Variants in SRSF12 observed in about 807,000 individuals in gnomAD.
SRSF12 encodes the protein serine and arginine rich splicing factor 12.
In SRSF12, 21 loss-of-function variants were observed where a neutral mutation model predicts 34.1. The ratio of observed to expected loss-of-function variants is 0.62; its 90% CI spans 0.44 to 0.89. The LOEUF (loss-of-function observed/expected upper bound fraction) is 0.89. Ranked by LOEUF, SRSF12 falls within the 40% of genes least tolerant of loss-of-function variation. The probability of loss-of-function intolerance (pLI) is 0.00; values close to 1 mark genes in which losing one functional copy is unlikely to be tolerated. For synonymous variants in SRSF12, 111 were observed against 110.8 expected, an observed-to-expected ratio of 1.00 and a Z score of -0.01; for missense variants, 278 against 327.8, an observed-to-expected ratio of 0.85 and a Z score of 1.17.
rs1769394631 is a variant in SRSF12, at chr6:89,117,950, A to T, written c.-63T>A. The stretch of plus-strand genomic sequence containing the variant: ...CGCTGGACTCGCTCCGTCTCCCGCT[A>T]CCGCTGCTACCACCACAGGAGCTCC... On this transcript the variant is annotated 5_prime_UTR_variant, in exon 1 of 5. Coordinates refer to ENST00000452027, the MANE Select transcript of SRSF12 (RefSeq NM_080743.5). 6.7e-7 allele frequency: 1 copy of T among 1,490,192 alleles called. No homozygotes were observed. Among genetic ancestry groups the T allele is most frequent in the Non-Finnish European group, 9.0e-7 (1 of 1,111,402 alleles). The allele number at this position is 1,490,192 out of a possible 1,614,324, so 92.3% of individuals were successfully genotyped here. A position where few individuals can be genotyped will look rare whatever the true frequency, so the allele number is the denominator to read the frequency against.
intron 4 of SRSF12, among the ~76,000 whole-genome samples, chr6:89,100,373 A>C (rs1407407695): frequency 6.6e-6 from 1 of 152,248 alleles, no homozygotes; most frequent in African/African-American, 2.4e-5. Context: ...ATTCAAAGCC[A>C]AAACAAGCAG....
intron 1 of SRSF12, among the ~76,000 whole-genome samples, chr6:89,116,667 T>C (rs1372616614): frequency 3.0e-4 from 46 of 151,688 alleles, no homozygotes; most frequent in Non-Finnish European, 1.5e-5. Context: ...CCCATCTACT[T>C]TGGATGCTGA....
chr6:89,103,787 C>G (rs1249402896), intron 4 of SRSF12, among the ~76,000 whole-genome samples: 1 of 152,114 alleles, frequency 6.6e-6, no homozygotes, highest in Non-Finnish European at 1.5e-5. Flanking sequence ...TTGTGATTCA[C>G]TATTATTCTA....
At chr6:89,116,721 A>G (rs1390732343) in intron 1 of SRSF12, among the ~76,000 whole-genome samples, 3 of 151,828 alleles carry the variant, frequency 2.0e-5, no homozygotes, top group Non-Finnish European at 4.4e-5. Context: ...GTTGCAGCCA[A>G]CCAAGATCGG....
chr6:89,110,448 G>A (rs536428695), intron 1 of SRSF12, among the ~76,000 whole-genome samples: 2 of 152,182 alleles, frequency 1.3e-5, no homozygotes, highest in African/African-American at 2.4e-5. Context: ...CAGTCTGGTG[G>A]AGGGAGGCGA....
intron 1 of SRSF12, among the ~76,000 whole-genome samples, chr6:89,113,330 C>T (rs894520105): frequency 9.9e-5 from 15 of 152,122 alleles, no homozygotes; most frequent in South Asian, 2.1e-4. Flanking sequence ...AGTGCCACCA[C>T]GCCCAGCTAA....
Position 89,118,022 on chromosome 6 carries a change from C to T in SRSF12, c.-135G>A. On this transcript the variant is annotated 5_prime_UTR_variant, in exon 1 of 5. Coordinates refer to ENST00000452027, the MANE Select transcript of SRSF12 (RefSeq NM_080743.5). The stretch of plus-strand genomic sequence containing the variant: ...CACCCCTCGGCCTCAGCCCCGCCAG[C>T]GCGCAGCCGCAGAGGCCGGCGCAGA... 3.4e-6 allele frequency: 3 copies of T among 886,646 alleles called. No individual in the cohort carries two copies. The highest frequency in any genetic ancestry group is 4.8e-6 in the Non-Finnish European group (3 of 625,454). 54.9% of individuals were successfully genotyped at this position (886,646 alleles called of 1,614,324 possible).
rs562838359 is a variant in SRSF12 at position 89,108,759 on chromosome 6, C to T, written c.66-1501G>A. Among the ~76,000 whole-genome samples the T allele has an allele frequency of 1.8e-3, 270 of 152,170 alleles. 1 individual carries two copies. Among genetic ancestry groups the T allele is most frequent in the African/African-American group, 6.2e-3 (258 of 41,536 alleles). The stretch of plus-strand genomic sequence containing the variant: ...TGATGGTAGAACACTGATAAGAGTT[C>T]TATAAGCAACAGAAAATTGTGATTA... On this transcript the variant is annotated intron_variant, in intron 1 of 4. Transcript: ENST00000452027.
intron 1 of SRSF12, among the ~76,000 whole-genome samples, chr6:89,113,388 G>A (rs566063729): frequency 1.0e-3 from 156 of 152,206 alleles, no homozygotes; most frequent in African/African-American, 3.7e-3. Context: ...TGGCCAGGCT[G>A]GTCTCGAACT....
intron 1 of SRSF12, 128 bp downstream of exon 1, chr6:89,117,695 C>T: frequency 1.1e-6 from 1 of 930,892 alleles, no homozygotes; most frequent in Non-Finnish European, 1.5e-6. Flanking sequence ...CCAAGTGGCG[C>T]AGCCTGGGCC....
chr6:89,098,307 C>T lies in SRSF12; in HGVS notation c.*271G>A, dbSNP rs1433540410. The stretch of plus-strand genomic sequence containing the variant: ...TTTTAAAAATTAGTTCCAGTTTACT[C>T]ATTTCCCTTGAAAAGTACCCTTCTG... On this transcript the variant is annotated 3_prime_UTR_variant, in exon 5 of 5. Coordinates refer to ENST00000452027, the MANE Select transcript of SRSF12 (RefSeq NM_080743.5). 3 of 300,558 alleles carry T rather than the reference C, an allele frequency of 1.0e-5. No homozygotes were observed. The highest frequency in any genetic ancestry group is 1.8e-5 in the Non-Finnish European group (3 of 162,882). The allele number at this position is 300,558 out of a possible 1,614,324, so 18.6% of individuals were successfully genotyped here.
At chr6:89,100,579 A>T (rs1768496542) in intron 4 of SRSF12, among the ~76,000 whole-genome samples, 2 of 152,078 alleles carry the variant, frequency 1.3e-5, no homozygotes, top group African/African-American at 2.4e-5. Flanking sequence ...AAAGGCAAAG[A>T]ATCATTCCCA....
At chr6:89,102,317 T>C (rs528549434) in intron 4 of SRSF12, among the ~76,000 whole-genome samples, 1 of 152,258 alleles carries the variant, frequency 6.6e-6, no homozygotes, top group South Asian at 2.1e-4. Flanking sequence ...CTAATTTTTG[T>C]ATTTTTAGTA....
chr6:89,110,856 C>T (rs544929305), intron 1 of SRSF12, among the ~76,000 whole-genome samples: 140 of 152,202 alleles, frequency 9.2e-4, no homozygotes, highest in African/African-American at 3.1e-3. Flanking sequence ...TGGCTGATAC[C>T]TGCAATACCA....
intron 3 of SRSF12, 39 bp from the exon 4 acceptor site, chr6:89,105,299 AC>A: frequency 6.3e-7 from 1 of 1,583,336 alleles, no homozygotes; most frequent in Non-Finnish European, 8.6e-7. Context: ...ATAATTCGTT[AC>A]CTGAACACCA....
chr6:89,117,777 C>T (rs745422868), intron 1 of SRSF12, 46 bp downstream of exon 1: 7 of 1,515,714 alleles, frequency 4.6e-6, no homozygotes, highest in African/African-American at 1.4e-5. Flanking sequence ...GCGGCTGTTA[C>T]CCCGCCCCTC....
intron 4 of SRSF12, among the ~76,000 whole-genome samples, chr6:89,099,475 T>C (rs1341042085): frequency 1.4e-5 from 2 of 146,190 alleles, no homozygotes; most frequent in African/African-American, 2.6e-5. Flanking sequence ...TGTGTGTATA[T>C]ATATATGTGT....
rs181118364 is a variant in SRSF12 at position 89,105,630 on chromosome 6, T to G, written c.171-100A>C. 3 of 854,012 alleles carry G rather than the reference T, an allele frequency of 3.5e-6. No homozygotes were observed. In the Admixed American group the frequency reaches 8.5e-5, roughly 24 times the overall value. 52.9% of individuals were successfully genotyped at this position (854,012 alleles called of 1,614,324 possible). ...AATGAAATTAATAGGAAAATCAAGT[T>G]CAAGTTATTAAGCTCACATCTTCAA... On this transcript the variant is annotated intron_variant, in intron 2 of 4. Transcript: ENST00000452027.
chr6:89,100,384 C>T (rs529662038), intron 4 of SRSF12, among the ~76,000 whole-genome samples: 208 of 152,282 alleles, frequency 1.4e-3, no homozygotes, highest in Non-Finnish European at 1.3e-3. Flanking sequence ...AAACAAGCAG[C>T]TTTAACAACA....
Sources: gnomAD v4.1 joint callset for allele counts (sites outside exome capture counted in the v4.1 genomes callset) on GRCh38, gnomAD v4.1.1 for gene constraint, MANE v1.5 for transcripts, NCBI Gene and HGNC (gene_info 2026-07-23, HGNC 2026-07-21) for gene names.